ZDHHC4: variants seen among roughly 807,000 people sequenced by gnomAD.
ZDHHC4 encodes palmitoyltransferase ZDHHC4.
ZDHHC4 carries 42 observed loss-of-function variants against 36.7 expected under a neutral mutation model. The ratio of observed to expected loss-of-function variants is 1.14; its 90% CI spans 0.89 to 1.48. The LOEUF (loss-of-function observed/expected upper bound fraction) is 1.48. Among genes scored for constraint, ZDHHC4 ranks in the 40% most tolerant of loss-of-function variants. The probability of loss-of-function intolerance (pLI) is 0.00; values close to 1 mark genes in which losing one functional copy is unlikely to be tolerated. For missense variants in ZDHHC4, 457 were observed against 421.5 expected (o/e 1.08, Z -0.74); for synonymous variants, 189 against 166.6 (o/e 1.13, Z -1.03).
intron 5 of ZDHHC4, among the ~76,000 whole-genome samples, chr7:6,582,795 C>T (rs1246070138): frequency 2.6e-5 from 4 of 152,174 alleles, no homozygotes; most frequent in Non-Finnish European, 1.5e-5. Context: ...AGACTACAGG[C>T]GTGAGCCACC....
chr7:6,580,453 A>C, intron 2 of ZDHHC4, 102 bp from the exon 3 acceptor site: 1 of 923,100 alleles, frequency 1.1e-6, no homozygotes. Flanking sequence ...AGTCTAGATG[A>C]ATTCTGTTTT....
intron 7 of ZDHHC4, among the ~76,000 whole-genome samples, chr7:6,585,853 T>G (rs369991217): frequency 6.6e-6 from 1 of 151,750 alleles, no homozygotes; most frequent in African/African-American, 2.4e-5. Flanking sequence ...TAAACTGATA[T>G]AAAATTCACA....
At position 6,577,498 on chromosome 7, in the gene ZDHHC4, G is replaced by T. The variant is rs1044947059; in HGVS notation, c.-163G>T. On this transcript the variant is annotated splice_region_variant and 5_prime_UTR_variant, in exon 1 of 8. Transcript: ENST00000335965. ...GAGGCGCCGGAGCCCAGCGGCTGGC[G>T]GTAAGGCCGCCTCCGCGGGGCTGTG... 3 of 152,208 alleles carry T rather than the reference G, an allele frequency of 2.0e-5. No individual in the cohort carries two copies. Among genetic ancestry groups the T allele is most frequent in the Non-Finnish European group, 2.9e-5 (2 of 68,056 alleles). The allele number at this position is 152,208 out of a possible 1,614,324, so 9.4% of individuals were successfully genotyped here. A position where few individuals can be genotyped will look rare whatever the true frequency, so the allele number is the denominator to read the frequency against.
At chr7:6,577,858 G>C (rs763724767) in intron 1 of ZDHHC4, 8 of 152,214 alleles carry the variant, frequency 5.3e-5, no homozygotes, top group Non-Finnish European at 1.0e-4. Flanking sequence ...TTGAGACGGG[G>C]TTTCGCTCTT....
At chr7:6,588,473 T>C in intron 7 of ZDHHC4, 144 bp from the exon 8 acceptor site, 2 of 812,958 alleles carry the variant, frequency 2.5e-6, no homozygotes, top group African/African-American at 1.7e-5. Context: ...GTGCTGTTTA[T>C]GTTCAGTTTG....
At chr7:6,581,281 C>A (rs1780834496) in intron 3 of ZDHHC4, among the ~76,000 whole-genome samples, 2 of 152,232 alleles carry the variant, frequency 1.3e-5, no homozygotes, top group South Asian at 4.1e-4. Context: ...GGTGTGGATG[C>A]TGGAACCTGG....
intron 6 of ZDHHC4, 150 bp downstream of exon 6, chr7:6,583,581 C>G (rs1781021366): frequency 9.1e-7 from 1 of 1,097,776 alleles, no homozygotes; most frequent in East Asian, 2.7e-5. Flanking sequence ...ATAATGGTTT[C>G]TTTCAGATGA....
In ZDHHC4 at chr7:6,580,616, GTTC is replaced by G. The variant is rs778739412; in HGVS notation, c.58_60del (p.Leu20del). 6.2e-7 allele frequency: 1 copy of G among 1,614,126 alleles called. No homozygotes were observed. The highest frequency in any genetic ancestry group is 8.5e-7 in the Non-Finnish European group (1 of 1,180,016). ...CCTGGCTTCGGTGCTGATGGGTCTT[GTTC>G]TTATCTGCGTCTGCTCGAAAACCCA... On this transcript the variant is annotated inframe_deletion, in exon 3 of 8. Coordinates refer to ENST00000335965, the MANE Select transcript of ZDHHC4 (RefSeq NM_001134389.2).
chr7:6,580,389 T>C (rs1427924260), intron 2 of ZDHHC4, among the ~76,000 whole-genome samples, 166 bp from the exon 3 acceptor site: 1 of 152,158 alleles, frequency 6.6e-6, no homozygotes, highest in Non-Finnish European at 1.5e-5. Flanking sequence ...TGCCTAAGAA[T>C]TGGTGAATTC....
chr7:6,583,036 G>A (rs190324674), intron 5 of ZDHHC4, among the ~76,000 whole-genome samples: 42 of 152,096 alleles, frequency 2.8e-4, no homozygotes, highest in African/African-American at 9.4e-4. Context: ...AATTAGCCAC[G>A]CGTGCATTAG....
intron 7 of ZDHHC4, among the ~76,000 whole-genome samples, chr7:6,587,150 T>A (rs1207977653): frequency 6.6e-6 from 1 of 150,412 alleles, no homozygotes; most frequent in African/African-American, 2.4e-5. Context: ...GCTCAAATGC[T>A]CCCACCTTGG....
Position 6,581,666 on chromosome 7 carries a change from C to T in ZDHHC4, c.177C>T (p.Tyr59=), listed in dbSNP as rs1276231175. 1 of 1,607,732 alleles carries T rather than the reference C, an allele frequency of 6.2e-7. No homozygotes were observed. ...LQRAVHGLLH[Y]LFHTRNHTFI... is the part of the protein sequence containing the mutation. ...GAGCCGTGCATGGATTGCTTCATTA[C>T]CTTTTCCATACGAGGTATTTCTCTT... Residue 59 remains tyrosine, a synonymous_variant, in exon 4 of 8, where the codon TAC becomes TAT. Coordinates refer to ENST00000335965, the MANE Select transcript of ZDHHC4 (RefSeq NM_001134389.2).
In ZDHHC4 at chr7:6,581,140, T is replaced by C. The variant is rs574327219; in HGVS notation, c.117+462T>C. The C allele has an allele frequency of 9.2e-3, 1,852 of 200,450 alleles. 15 individuals are homozygous for C. The highest frequency in any genetic ancestry group is 0.012 in the Non-Finnish European group (1,299 of 110,354). The allele number at this position is 200,450 out of a possible 1,614,324, so 12.4% of individuals were successfully genotyped here. A position where few individuals can be genotyped will look rare whatever the true frequency, so the allele number is the denominator to read the frequency against. The stretch of plus-strand genomic sequence containing the variant: ...CCGCCTGGGGCACTTAATGGGTGAC[T>C]CTGGGGGCCAGCAGAAAGCTCAGCA... On this transcript the variant is annotated intron_variant, in intron 3 of 7. Transcript: ENST00000335965.
Position 6,582,097 on chromosome 7 carries a change from C to T in ZDHHC4, c.216C>T (p.His72=). The part of the protein sequence containing the change: ...HTRNHTFIVL[H]LVLQGMVYTE... ...GAAACCACACCTTCATTGTCCTGCACCTGGTCTTGCAAGGGATGGTTTATA... is the reference window on the plus strand; with the variant it reads ...GAAACCACACCTTCATTGTCCTGCATCTGGTCTTGCAAGGGATGGTTTATA... The change falls in exon 5 of 8, where the codon CAC becomes CAT. Residue 72 remains histidine (H), a synonymous_variant. Transcript: ENST00000335965. The T allele has an allele frequency of 1.2e-6, 2 of 1,614,016 alleles. No individual in the cohort carries two copies. Among genetic ancestry groups the T allele is most frequent in the East Asian group, 2.2e-5 (1 of 44,886 alleles).
intron 6 of ZDHHC4, 100 bp from the exon 7 acceptor site, chr7:6,584,916 T>C: frequency 1.3e-6 from 2 of 1,508,276 alleles, no homozygotes; most frequent in Middle Eastern, 2.0e-4. Context: ...TTTCCTCTGA[T>C]GACACATCCA....
At chr7:6,588,574 C>G in intron 7 of ZDHHC4, 43 bp from the exon 8 acceptor site, 3 of 1,593,778 alleles carry the variant, frequency 1.9e-6, no homozygotes, top group Non-Finnish European at 1.7e-6. Context: ...TCATGGATGT[C>G]ACAGTCCAGC....
intron 7 of ZDHHC4, among the ~76,000 whole-genome samples, chr7:6,586,505 C>T (rs564085238): frequency 3.2e-4 from 49 of 152,250 alleles, no homozygotes; most frequent in African/African-American, 1.1e-3. Context: ...GATGGAGTCT[C>T]GCTCTTGTTG....
rs550001004 is a variant in ZDHHC4 at position 6,589,050 on chromosome 7, G to A, written c.*140G>A. 776 of 1,069,440 alleles carry A rather than the reference G, an allele frequency of 7.3e-4. 12 individuals carry two copies. The South Asian group carries it at 0.011, about 15-fold the overall frequency. 66.2% of individuals were successfully genotyped at this position (1,069,440 alleles called of 1,614,324 possible). On this transcript the variant is annotated 3_prime_UTR_variant, in exon 8 of 8. Transcript: ENST00000335965. ...GTGGGCAAGGGAGAGAGGGGAAAAT[G>A]GGTGTTGACTGAGGAATCCCCCTTG...
intron 2 of ZDHHC4, among the ~76,000 whole-genome samples, chr7:6,579,933 C>T (rs1010922182): frequency 6.6e-6 from 1 of 151,152 alleles, no homozygotes; most frequent in Non-Finnish European, 1.5e-5. Context: ...TTCAAGAGTT[C>T]GAGACCAGCC....
Sources: gnomAD v4.1 joint callset for allele counts (sites outside exome capture counted in the v4.1 genomes callset) on GRCh38, gnomAD v4.1.1 for gene constraint, MANE v1.5 for transcripts, NCBI Gene and HGNC (gene_info 2026-07-23, HGNC 2026-07-21) for gene names.